DCHS1: variants seen among roughly 807,000 people sequenced by gnomAD.
DCHS1 encodes dachsous cadherin-related 1.
DCHS1 carries 78 observed loss-of-function variants against 213.9 expected under a neutral mutation model. The ratio of observed to expected loss-of-function variants is 0.36; its 90% CI spans 0.30 to 0.44. DCHS1 has a LOEUF of 0.44. Among genes scored for constraint, DCHS1 ranks in the 20% least tolerant of loss-of-function variants. The pLI, the probability that DCHS1 is intolerant of heterozygous loss-of-function variation, is 1.00. For synonymous variants in DCHS1, 1,828 were observed against 1,873.7 expected (o/e 0.98, Z 0.63); for missense variants, 3,946 against 4,395.9 (o/e 0.90, Z 2.89).
In DCHS1 at chr11:6,632,180, A is replaced by G; in HGVS notation, c.3332T>C (p.Phe1111Ser). 6.2e-7 allele frequency: 1 copy of G among 1,600,068 alleles called. No homozygotes were observed. The highest frequency in any genetic ancestry group is 8.5e-7 in the Non-Finnish European group (1 of 1,169,934). The change falls in exon 6 of 21, where the codon TTC becomes TCC. Residue 1111 changes from phenylalanine to serine, a missense_variant. Coordinates refer to ENST00000299441, the MANE Select transcript of DCHS1 (RefSeq NM_003737.4). This position sits in a 1 kb window ranked among gnomAD's most constrained non-coding sequence, Gnocchi z 5.9. The stretch of plus-strand genomic sequence containing the variant: ...GGGCTGGTTCTCAGCCACAGCCAGG[A>G]AGGTGGGATCCTCAGACAAGCGGGG... ...HSPRLSEDPT[F>S]LAVAENQPPG... is the part of the protein sequence containing the mutation.
rs112143988 is a variant in DCHS1, at chr11:6,641,068, T to C, written c.546A>G (p.Leu182=). 82 of 1,613,988 alleles carry C rather than the reference T, an allele frequency of 5.1e-5. No homozygotes were observed. The highest frequency in any genetic ancestry group is 2.9e-4 in the African/African-American group (22 of 75,054). ...AGGTCTCTCCAGCCCCATCACCAGA[T>C]AGCGCATAGCCCTGGGTTCCCAGAC... The part of the protein sequence containing the change: ...AGRLGTQGYA[L]SGDGAGETFR... The change falls in exon 2 of 21, where the codon CTA becomes CTG. Residue 182 remains leucine, a synonymous_variant. Coordinates refer to ENST00000299441, the MANE Select transcript of DCHS1 (RefSeq NM_003737.4). This position sits in a 1 kb window ranked among gnomAD's most constrained non-coding sequence, Gnocchi z 7.1.
At chr11:6,636,281 C>T (rs1039449903) in intron 2 of DCHS1, among the ~76,000 whole-genome samples, 1 of 152,180 alleles carries the variant, frequency 6.6e-6, no homozygotes, top group Non-Finnish European at 1.5e-5. Flanking sequence ...GTGATCCTAG[C>T]TCACTGCAAC....
In DCHS1 at chr11:6,654,130, G is replaced by A. The variant is rs561688241; in HGVS notation, c.-121+1433C>T. ...GGGTATACCTGGGAGATCTACGTATGAGAAGGGGTGAAGGTGTGAGCTTGA... is the reference window on the plus strand; with the variant it reads ...GGGTATACCTGGGAGATCTACGTATAAGAAGGGGTGAAGGTGTGAGCTTGA... On this transcript the variant is annotated intron_variant, in intron 1 of 20. Transcript: ENST00000299441. Among the ~76,000 whole-genome samples the A allele has an allele frequency of 6.4e-4, 97 of 152,268 alleles. 1 individual carries two copies. Among genetic ancestry groups the A allele is most frequent in the African/African-American group, 2.1e-3 (89 of 41,534 alleles).
Position 6,634,223 on chromosome 11 carries a change from G to C in DCHS1, c.1881C>G (p.Pro627=). 1 of 1,613,986 alleles carries C rather than the reference G, an allele frequency of 6.2e-7. No homozygotes were observed. The highest frequency in any genetic ancestry group is 8.5e-7 in the Non-Finnish European group (1 of 1,179,868). The change falls in exon 3 of 21, where the codon CCC becomes CCG. Residue 627 remains proline, a synonymous_variant. Transcript: ENST00000299441. The part of the protein sequence containing the change: ...LGAGLGSSGS[P]PFRIDAHSGD... ...CGCTGTGGGCATCAATGCGGAATGG[G>C]GGAGATCCGGAGGACCCAAGTCCAG...
intron 1 of DCHS1, among the ~76,000 whole-genome samples, chr11:6,645,603 G>A (rs578030574): frequency 5.9e-5 from 9 of 152,210 alleles, no homozygotes; most frequent in Admixed American, 4.6e-4. Flanking sequence ...TCTGAATGAA[G>A]CAATCTATGA....
intron 1 of DCHS1, among the ~76,000 whole-genome samples, chr11:6,652,141 T>C (rs1856254032): frequency 1.3e-5 from 2 of 152,242 alleles, no homozygotes; most frequent in South Asian, 2.1e-4. Flanking sequence ...CCAGAAGAGA[T>C]ACATACCATA....
chr11:6,640,205 G>A lies in DCHS1; in HGVS notation c.1409C>T (p.Pro470Leu), dbSNP rs1856046668. Residue 470 changes from proline (P) to leucine (L), a missense_variant, in exon 2 of 21, where the codon CCT becomes CTT. Physicochemically the swap from Pro to Leu is moderately conservative, Grantham distance 98. This residue lies in a region of DCHS1 where 3,384 missense variants were observed against 3,780.1 expected (regional missense o/e 0.90). Coordinates refer to ENST00000299441, the MANE Select transcript of DCHS1 (RefSeq NM_003737.4). This position sits in a 1 kb window ranked among gnomAD's most constrained non-coding sequence, Gnocchi z 6.5. ...TCGGTAGAGCTGGCGGTCAAAGGCA[G>A]GTGCATTGTCGTTGACATCAGTGAC... is the stretch of plus-strand genomic sequence containing the variant. The part of the protein sequence containing the change: ...LHVTDVNDNA[P>L]AFDRQLYRPE... The A allele has an allele frequency of 6.2e-7, 1 of 1,613,388 alleles. No individual in the cohort carries two copies. The highest frequency in any genetic ancestry group is 1.7e-5 in the Admixed American group (1 of 59,924).
At chr11:6,652,195 A>C (rs1318588755) in intron 1 of DCHS1, among the ~76,000 whole-genome samples, 1 of 152,230 alleles carries the variant, frequency 6.6e-6, no homozygotes, top group East Asian at 1.9e-4. Flanking sequence ...TGATAGAATA[A>C]AATCATGGCT....
Position 6,629,653 on chromosome 11 carries a change from T to C in DCHS1, c.5035+19A>G. On this transcript the variant is annotated intron_variant, in intron 11 of 20. Coordinates refer to ENST00000299441, the MANE Select transcript of DCHS1 (RefSeq NM_003737.4). ...TGCCCCAGTCCATCCCACTCATAATTCACCCCCCCAGGTCTTACCCACGTC... is the reference window on the plus strand; with the variant it reads ...TGCCCCAGTCCATCCCACTCATAATCCACCCCCCCAGGTCTTACCCACGTC... 6.2e-7 allele frequency: 1 copy of C among 1,612,670 alleles called. No homozygotes were observed. The highest frequency in any genetic ancestry group is 1.7e-4 in the Middle Eastern group (1 of 6,060).
Position 6,624,276 on chromosome 11 carries a change from G to A in DCHS1, c.7400C>T (p.Thr2467Ile). 1 of 1,606,628 alleles carries A rather than the reference G, an allele frequency of 6.2e-7. No homozygotes were observed. The highest frequency in any genetic ancestry group is 8.5e-7 in the Non-Finnish European group (1 of 1,177,126). Residue 2467 changes from threonine to isoleucine, a missense_variant, in exon 21 of 21, where the codon ACA becomes ATA. By Grantham distance (89) the Thr-to-Ile change is moderately conservative. Around this residue, in one of 3 missense-constraint regions of DCHS1, gnomAD observed 3,384 missense variants for 3,780.1 expected, o/e 0.90. Transcript: ENST00000299441. Reference protein sequence around the residue: ...HGAPGRAARATVHVQLQDQND... With the variant: ...HGAPGRAARAIVHVQLQDQND... ...CTGGTCCTGCAGCTGCACGTGCACT[G>A]TGGCTCGTGCTGCCCGGCCTGGAGC...
Position 6,633,021 on chromosome 11 carries a change from C to G in DCHS1, c.2491G>C (p.Gly831Arg). The change falls in exon 6 of 21, where the codon GGG becomes CGG. Residue 831 changes from glycine to arginine, a missense_variant. Gly to Arg is a moderately radical substitution (Grantham distance 125). This residue lies in a region of DCHS1 where 3,384 missense variants were observed against 3,780.1 expected (regional missense o/e 0.90). Coordinates refer to ENST00000299441, the MANE Select transcript of DCHS1 (RefSeq NM_003737.4). ...AGGGAGAAGAGTCCTCGGGGATCCC[C>G]ACCTGATAGGGAAAGGGTCACAGGT... ...LAPVTLSLSG[G>R]DPRGLFSLDA... 1 of 1,610,422 alleles carries G rather than the reference C, an allele frequency of 6.2e-7. No homozygotes were observed. Among genetic ancestry groups the G allele is most frequent in the South Asian group, 1.1e-5 (1 of 90,974 alleles).
chr11:6,651,340 T>C (rs1049685944), intron 1 of DCHS1, among the ~76,000 whole-genome samples: 2 of 152,124 alleles, frequency 1.3e-5, no homozygotes, highest in Admixed American at 6.5e-5. Context: ...AAAAAGGTAG[T>C]GTCTTTGGTG....
rs747075323 is a variant in DCHS1, at chr11:6,629,656, C to G, written c.5035+16G>C. On this transcript the variant is annotated intron_variant, in intron 11 of 20. Coordinates refer to ENST00000299441, the MANE Select transcript of DCHS1 (RefSeq NM_003737.4). ...CCCAGTCCATCCCACTCATAATTCA[C>G]CCCCCCAGGTCTTACCCACGTCGGG... is the stretch of plus-strand genomic sequence containing the variant. The G allele has an allele frequency of 6.8e-6, 11 of 1,610,792 alleles. No homozygotes were observed. In the East Asian group the frequency reaches 2.2e-4, roughly 33 times the overall value.
At chr11:6,650,250 T>G (rs1296219564) in intron 1 of DCHS1, among the ~76,000 whole-genome samples, 1 of 152,134 alleles carries the variant, frequency 6.6e-6, no homozygotes, top group Non-Finnish European at 1.5e-5. Context: ...TGCAGCATAC[T>G]AAGTGAGCAG....
In DCHS1 at chr11:6,640,809, C is replaced by T. The variant is rs918577745; in HGVS notation, c.805G>A (p.Ala269Thr). The change falls in exon 2 of 21, where the codon GCC becomes ACC. Residue 269 changes from alanine to threonine, a missense_variant. By Grantham distance (58) the Ala-to-Thr change is moderately conservative. Around this residue, in one of 3 missense-constraint regions of DCHS1, gnomAD observed 3,384 missense variants for 3,780.1 expected, o/e 0.90. Coordinates refer to ENST00000299441, the MANE Select transcript of DCHS1 (RefSeq NM_003737.4). The surrounding 1 kb of genome is among the most constrained non-coding windows in gnomAD (Gnocchi z 6.5). ...ACCTGCAAGACAGGACTGCCAGGGG[C>T]CAGGCTCTCAGACACCACAGCATGG... is the stretch of plus-strand genomic sequence containing the variant. ...RYHAVVSESL[A>T]PGSPVLQVFA... 2 of 1,613,944 alleles carry T rather than the reference C, an allele frequency of 1.2e-6. No homozygotes were observed. The highest frequency in any genetic ancestry group is 2.7e-5 in the African/African-American group (2 of 74,926).
In DCHS1 at chr11:6,627,436, A is replaced by G. The variant is rs1855827942; in HGVS notation, c.5603T>C (p.Val1868Ala). ...PAYSVEVPEDVPAGTLLLQLQ... is the reference protein window; with the variant it reads ...PAYSVEVPEDAPAGTLLLQLQ... Reference sequence around the variant, plus strand: ...CTGCAGCAGCAGGGTCCCTGCAGGCACATCCTCCGGCACCTCCACCGAGTA... The same window carrying G: ...CTGCAGCAGCAGGGTCCCTGCAGGCGCATCCTCCGGCACCTCCACCGAGTA... Residue 1868 changes from valine (V) to alanine (A), a missense_variant, in exon 14 of 21, where the codon GTG (valine) becomes GCG (alanine). This residue lies in a region of DCHS1 where 3,384 missense variants were observed against 3,780.1 expected (regional missense o/e 0.90). Transcript: ENST00000299441. This position sits in a 1 kb window ranked among gnomAD's most constrained non-coding sequence, Gnocchi z 5.4. 6.2e-7 allele frequency: 1 copy of G among 1,610,674 alleles called. No individual in the cohort carries two copies. Among genetic ancestry groups the G allele is most frequent in the African/African-American group, 1.3e-5 (1 of 74,832 alleles).
Position 6,641,313 on chromosome 11 carries a change from C to A in DCHS1, c.301G>T (p.Val101Phe). The change falls in exon 2 of 21, where the codon GTC (valine) becomes TTC (phenylalanine). Residue 101 changes from valine (V) to phenylalanine (F), a missense_variant. This residue lies in a region of DCHS1 where 3,384 missense variants were observed against 3,780.1 expected (regional missense o/e 0.90). Transcript: ENST00000299441. The surrounding 1 kb of genome is among the most constrained non-coding windows in gnomAD (Gnocchi z 7.1). ...CGGTCCAAGACACGGGCTGTACGGA[C>A]GACCCCACTGTGTTCGTCAATGGCC... ...DLAIDEHSGV[V>F]RTARVLDREQ... The A allele has an allele frequency of 1.9e-6, 3 of 1,613,670 alleles. No individual in the cohort carries two copies. The highest frequency in any genetic ancestry group is 2.5e-6 in the Non-Finnish European group (3 of 1,179,884).
At position 6,621,791 on chromosome 11, in the gene DCHS1, C is replaced by A; in HGVS notation, c.9885G>T (p.Glu3295Asp). Residue 3295 changes from glutamate (E) to aspartate (D), a missense_variant, in exon 21 of 21, where the codon GAG becomes GAT. Transcript: ENST00000299441. The stretch of plus-strand genomic sequence containing the variant: ...GCCTGGGCCACAGCTAGATGTGCAG[C>A]TCCGTGTCATCAGGTGGCTCCAGGC... Reference protein sequence around the residue: ...ESGLEPPDDTELHI With the variant: ...ESGLEPPDDTDLHI 1.9e-6 allele frequency: 3 copies of A among 1,587,974 alleles called. No homozygotes were observed. The highest frequency in any genetic ancestry group is 2.6e-6 in the Non-Finnish European group (3 of 1,167,724).
chr11:6,635,435 C>T (rs11040939), intron 2 of DCHS1, among the ~76,000 whole-genome samples: 57,053 of 151,976 alleles, frequency 0.38, 10,853 homozygotes, highest in East Asian at 0.45. Flanking sequence ...TGTGACAAAG[C>T]GCTCTTTGTG....
Sources: gnomAD v4.1 joint callset for allele counts (sites outside exome capture counted in the v4.1 genomes callset) on GRCh38, gnomAD v4.1.1 for gene constraint, gnomAD v4.1.1 regional missense constraint, Gnocchi (gnomAD v3.1) non-coding constraint, MANE v1.5 for transcripts, NCBI Gene and HGNC (gene_info 2026-07-23, HGNC 2026-07-21) for gene names.